CAMSAP1: variants seen among roughly 807,000 people sequenced by gnomAD.
CAMSAP1 encodes calmodulin regulated spectrin associated protein 1, also known as calmodulin-regulated spectrin-associated protein 1.
A neutral mutation model predicts 143.5 loss-of-function variants in CAMSAP1; 58 were observed. That is an observed-to-expected ratio of 0.40 (90% CI 0.33 to 0.50). The LOEUF (loss-of-function observed/expected upper bound fraction) is 0.50, where lower values mean the gene tolerates loss of function less well. Among genes scored for constraint, CAMSAP1 ranks in the 20% least tolerant of loss-of-function variants. The pLI is 0.45. For missense variants in CAMSAP1, 1,969 were observed against 2,115.7 expected (o/e 0.93, Z 1.36); for synonymous variants, 945 against 859.3 (o/e 1.10, Z -1.74).
rs1835319139 is a variant in CAMSAP1 at position 135,818,381 on chromosome 9, GC to G, written c.4168+26del. ...GCCGCCGCCCGCGGAAGGAAGCGCT[GC>G]CCGCGTGAGGGCCGGGGCTGCTTAC... On this transcript the variant is annotated intron_variant, in intron 13 of 16. Transcript: ENST00000389532. This position sits in a 1 kb window ranked among gnomAD's most constrained non-coding sequence, Gnocchi z 7.7. 2 of 1,536,724 alleles carry G rather than the reference GC, an allele frequency of 1.3e-6. No individual in the cohort carries two copies. The highest frequency in any genetic ancestry group is 2.4e-5 in the South Asian group (2 of 84,316).
intron 3 of CAMSAP1, among the ~76,000 whole-genome samples, chr9:135,869,948 A>C (rs1837514964): frequency 6.6e-6 from 1 of 152,232 alleles, no homozygotes; most frequent in Non-Finnish European, 1.5e-5. Context: ...ACTGTATGAT[A>C]CCATTCATAA....
In CAMSAP1 at chr9:135,818,934, C is replaced by T. The variant is rs1387986571; in HGVS notation, c.3959+76G>A. ...CATTGCCATGGTCCATGCTCAGTGC[C>T]AGCAACGGGACCGGGGCCGCCAGGG... On this transcript the variant is annotated intron_variant, in intron 12 of 16. Coordinates refer to ENST00000389532, the MANE Select transcript of CAMSAP1 (RefSeq NM_015447.4). The surrounding 1 kb of genome is among the most constrained non-coding windows in gnomAD (Gnocchi z 7.7). The T allele has an allele frequency of 1.3e-6, 2 of 1,554,722 alleles. No homozygotes were observed. The highest frequency in any genetic ancestry group is 2.7e-5 in the African/African-American group (2 of 73,586).
At chr9:135,870,076 T>C (rs1837519620) in intron 3 of CAMSAP1, among the ~76,000 whole-genome samples, 1 of 152,176 alleles carries the variant, frequency 6.6e-6, no homozygotes, top group Non-Finnish European at 1.5e-5. Context: ...ATGATAAAAA[T>C]GTTCTGGAAT....
At position 135,875,478 on chromosome 9, in the gene CAMSAP1, T is replaced by G. The variant is rs994924875; in HGVS notation, c.585+6155A>C. Among the ~76,000 whole-genome samples, 9 of 152,310 alleles carry G rather than the reference T, an allele frequency of 5.9e-5. 1 individual carries two copies. The East Asian group carries it at 1.4e-3, about 23-fold the overall frequency. On this transcript the variant is annotated intron_variant, in intron 3 of 16. Coordinates refer to ENST00000389532, the MANE Select transcript of CAMSAP1 (RefSeq NM_015447.4). ...CACCCGCCTCAGCCTCCCAAAGTGC[T>G]GAGATTACAGGCATGAGCCACCACG...
intron 5 of CAMSAP1, among the ~76,000 whole-genome samples, chr9:135,858,358 CTAG>C (rs1315863831): frequency 6.6e-6 from 1 of 151,984 alleles, no homozygotes; most frequent in Non-Finnish European, 1.5e-5. Context: ...CGTTCTTTTT[CTAG>C]TAACAAATAC....
Position 135,811,687 on chromosome 9 carries a change from C to T in CAMSAP1, c.4507-76G>A, listed in dbSNP as rs1322372220. Reference sequence around the variant, plus strand: ...ATTGCCACGAGTTGGGCTCCCACAGCGGCTCAACCAGCACCGCTCCGTGGG... The same window carrying T: ...ATTGCCACGAGTTGGGCTCCCACAGTGGCTCAACCAGCACCGCTCCGTGGG... On this transcript the variant is annotated intron_variant, in intron 16 of 16. Coordinates refer to ENST00000389532, the MANE Select transcript of CAMSAP1 (RefSeq NM_015447.4). The surrounding 1 kb of genome is among the most constrained non-coding windows in gnomAD (Gnocchi z 4.9). The T allele has an allele frequency of 1.1e-5, 15 of 1,417,566 alleles. No individual in the cohort carries two copies. In the South Asian group the frequency reaches 1.1e-4, roughly 10 times the overall value. 87.8% of individuals were successfully genotyped at this position (1,417,566 alleles called of 1,614,324 possible).
chr9:135,812,163 C>A (rs1835075189), intron 16 of CAMSAP1, among the ~76,000 whole-genome samples: 1 of 152,194 alleles, frequency 6.6e-6, no homozygotes, highest in African/African-American at 2.4e-5. Flanking sequence ...ACAGCACTAT[C>A]CCTTCACAGG....
intron 7 of CAMSAP1, among the ~76,000 whole-genome samples, chr9:135,847,710 G>A (rs756072690): frequency 2.1e-4 from 31 of 147,462 alleles, no homozygotes; most frequent in Non-Finnish European, 3.7e-4. Flanking sequence ...GGGGTGGGAG[G>A]GCTAGGAGAG....
chr9:135,902,972 T>A (rs568261654), intron 1 of CAMSAP1, among the ~76,000 whole-genome samples: 2 of 152,316 alleles, frequency 1.3e-5, no homozygotes, highest in African/African-American at 4.8e-5. Flanking sequence ...ACCGCCGACA[T>A]CCTTGCAAAG....
At chr9:135,865,361 G>A (rs984563509) in intron 4 of CAMSAP1, 18 of 1,550,588 alleles carry the variant, frequency 1.2e-5, no homozygotes, top group Non-Finnish European at 2.6e-6. Context: ...CACTTGGAGG[G>A]AGACTGCTCA....
intron 5 of CAMSAP1, among the ~76,000 whole-genome samples, chr9:135,859,413 GAGAC>G (rs1837095019): frequency 6.6e-6 from 1 of 152,040 alleles, no homozygotes; most frequent in African/African-American, 2.4e-5. Flanking sequence ...TTGTTTGTTT[GAGAC>G]AGTCTCGCTC....
In CAMSAP1 at chr9:135,824,578, T is replaced by C. The variant is rs56703362; in HGVS notation, c.1315+211A>G. On this transcript the variant is annotated intron_variant, in intron 9 of 16. Coordinates refer to ENST00000389532, the MANE Select transcript of CAMSAP1 (RefSeq NM_015447.4). This position sits in a 1 kb window ranked among gnomAD's most constrained non-coding sequence, Gnocchi z 4.1. ...TATGTGGGAGGCTGAGGCAGGAGAA[T>C]TGCTTGAACCAGGGAGTCAGAGGCT... is the stretch of plus-strand genomic sequence containing the variant. 0.018 allele frequency among the ~76,000 whole-genome samples: 2,760 copies of C among 152,208 alleles called. 92 individuals are homozygous for C. The highest frequency in any genetic ancestry group is 0.064 in the African/African-American group (2,653 of 41,524).
chr9:135,857,310 C>T (rs532767218), intron 5 of CAMSAP1, among the ~76,000 whole-genome samples: 13 of 152,256 alleles, frequency 8.5e-5, no homozygotes, highest in African/African-American at 2.6e-4. Flanking sequence ...CATCTCTTTG[C>T]TTTTCTGGTT....
chr9:135,839,370 A>G (rs773565341), intron 7 of CAMSAP1, among the ~76,000 whole-genome samples: 44 of 152,186 alleles, frequency 2.9e-4, no homozygotes, highest in Non-Finnish European at 5.6e-4. Context: ...GTGAGCATGC[A>G]TGGCAATGGT....
chr9:135,898,184 T>C (rs574101599), intron 1 of CAMSAP1, among the ~76,000 whole-genome samples: 12 of 152,158 alleles, frequency 7.9e-5, no homozygotes, highest in Non-Finnish European at 1.5e-4. Context: ...AGGGCAACAG[T>C]AGAGGTCCTC....
intron 1 of CAMSAP1, among the ~76,000 whole-genome samples, chr9:135,895,998 G>C (rs1838436996): frequency 6.6e-6 from 1 of 151,992 alleles, no homozygotes; most frequent in South Asian, 2.1e-4. Context: ...GAAACAAACA[G>C]AAAACAAACT....
Position 135,818,621 on chromosome 9 carries a change from G to C in CAMSAP1, c.3960-5C>G. 2.5e-6 allele frequency: 4 copies of C among 1,612,674 alleles called. No individual in the cohort carries two copies. Among genetic ancestry groups the C allele is most frequent in the Non-Finnish European group, 3.4e-6 (4 of 1,179,624 alleles). ...CGGTCTTCCTCAGCTTTGCGCCTGA[G>C]AGAAACACACGCCCAGACACTGCTC... On this transcript the variant is annotated splice_region_variant and splice_polypyrimidine_tract_variant and intron_variant, in intron 12 of 16. Coordinates refer to ENST00000389532, the MANE Select transcript of CAMSAP1 (RefSeq NM_015447.4). The surrounding 1 kb of genome is among the most constrained non-coding windows in gnomAD (Gnocchi z 7.7).
chr9:135,819,736 A>T (rs1835378205), intron 11 of CAMSAP1, among the ~76,000 whole-genome samples: 1 of 151,100 alleles, frequency 6.6e-6, no homozygotes, highest in African/African-American at 2.4e-5. Flanking sequence ...AATCCCAGCT[A>T]CTCAGGAGCC....
chr9:135,865,508 C>T (rs1837343651), intron 4 of CAMSAP1: 9 of 706,062 alleles, frequency 1.3e-5, no homozygotes, highest in South Asian at 3.6e-5. Flanking sequence ...TCTAAGTGTA[C>T]GTGGCCATAG....
Sources: gnomAD v4.1 joint callset for allele counts (sites outside exome capture counted in the v4.1 genomes callset) on GRCh38, gnomAD v4.1.1 for gene constraint, Gnocchi (gnomAD v3.1) non-coding constraint, MANE v1.5 for transcripts, NCBI Gene and HGNC (gene_info 2026-07-23, HGNC 2026-07-21) for gene names.